The following GALNT13 variants were observed in gnomAD, a reference collection of about 807,000 sequenced individuals.
The protein encoded by GALNT13 is UDP-GalNAc:polypeptide N-acetylgalactosaminyltransferase 13.
Under a neutral mutation model 64.2 loss-of-function variants are expected in GALNT13, and 28 were observed. The ratio of observed to expected loss-of-function variants is 0.44; its 90% confidence interval spans 0.32 to 0.60. The LOEUF (loss-of-function observed/expected upper bound fraction) is 0.60. GALNT13 is among the 20% of genes least tolerant of loss of function. The pLI, the probability that GALNT13 is intolerant of heterozygous loss-of-function variation, is 0.05. For missense variants in GALNT13, 577 were observed against 669.8 expected, an observed-to-expected ratio of 0.86 and a Z score of 1.53; for synonymous variants, 214 against 224.6, an observed-to-expected ratio of 0.95 and a Z score of 0.42.
At chr2:153,089,224 A>G in the GALNT13 span, among the ~76,000 whole-genome samples, 1 of 152,028 alleles carries the variant, frequency 6.6e-6, no homozygotes, top group Non-Finnish European at 1.5e-5. Flanking sequence ...CCTCTCCTTC[A>G]CTTATGAGGC....
intron 9 of GALNT13, among the ~76,000 whole-genome samples, chr2:154,342,408 A>ATAT (rs1695821222): frequency 6.6e-6 from 1 of 152,096 alleles, no homozygotes; most frequent in Admixed American, 6.6e-5. Context: ...TCTAAATTTC[A>ATAT]GTATATGTGG....
the GALNT13 span, among the ~76,000 whole-genome samples, chr2:153,768,551 T>C: frequency 1.3e-5 from 2 of 152,178 alleles, no homozygotes; most frequent in Non-Finnish European, 2.9e-5. Flanking sequence ...TAATGCATTC[T>C]TTGGTGTGTT....
At chr2:153,717,501 T>C in the GALNT13 span, among the ~76,000 whole-genome samples, 1 of 152,224 alleles carries the variant, frequency 6.6e-6, no homozygotes, top group Admixed American at 6.5e-5. Flanking sequence ...TTCTTTTTCC[T>C]CAGAATAAAA....
chr2:154,403,324 T>G (rs1204911060), intron 10 of GALNT13, among the ~76,000 whole-genome samples: 1 of 151,998 alleles, frequency 6.6e-6, no homozygotes, highest in East Asian at 1.9e-4. Flanking sequence ...GTGATGGAAT[T>G]CCATGCCTGT....
At chr2:154,433,250 T>C (rs1411032954) in intron 11 of GALNT13, among the ~76,000 whole-genome samples, 16 of 152,154 alleles carry the variant, frequency 1.1e-4, no homozygotes, top group Admixed American at 1.0e-3. Context: ...CTGACTGCAC[T>C]GCCTAAGGTT....
At chr2:153,453,912 T>C in the GALNT13 span, among the ~76,000 whole-genome samples, 1 of 152,188 alleles carries the variant, frequency 6.6e-6, no homozygotes, top group Non-Finnish European at 1.5e-5. Context: ...GTAGTACATA[T>C]ACACCATAGA....
the GALNT13 span, among the ~76,000 whole-genome samples, chr2:153,745,579 A>C: frequency 6.6e-6 from 1 of 152,116 alleles, no homozygotes; most frequent in African/African-American, 2.4e-5. Context: ...GAAATTCTCA[A>C]ATGATTGATT....
chr2:154,297,982 A>T (rs1002680058), intron 8 of GALNT13, among the ~76,000 whole-genome samples: 2 of 152,094 alleles, frequency 1.3e-5, no homozygotes, highest in African/African-American at 2.4e-5. Context: ...ATACAAGAGG[A>T]GGTATCAAGT....
At chr2:153,924,805 T>C (rs1690003970) in intron 2 of GALNT13, among the ~76,000 whole-genome samples, 1 of 152,248 alleles carries the variant, frequency 6.6e-6, no homozygotes, top group South Asian at 2.1e-4. Context: ...ATTTCTCTAA[T>C]GATCCGTGAC....
the GALNT13 span, among the ~76,000 whole-genome samples, chr2:153,699,995 G>T: frequency 6.6e-6 from 1 of 152,212 alleles, no homozygotes; most frequent in South Asian, 2.1e-4. Context: ...ATTTTATGAG[G>T]CCAGCATCAT....
At chr2:154,395,165 T>C (rs1387467176) in intron 9 of GALNT13, among the ~76,000 whole-genome samples, 1 of 152,156 alleles carries the variant, frequency 6.6e-6, no homozygotes, top group Non-Finnish European at 1.5e-5. Flanking sequence ...CTAAGAATAA[T>C]TGCTGTCTTG....
chr2:153,153,830 C>T, the GALNT13 span, among the ~76,000 whole-genome samples: 70 of 151,984 alleles, frequency 4.6e-4, no homozygotes, highest in Admixed American at 7.9e-4. Flanking sequence ...AATTGGGTAG[C>T]ATGATGCCTC....
intron 3 of GALNT13, among the ~76,000 whole-genome samples, chr2:153,992,553 T>G (rs1293366974): frequency 1.3e-5 from 2 of 152,172 alleles, no homozygotes; most frequent in Non-Finnish European, 2.9e-5. Flanking sequence ...AAGTTCAACC[T>G]GAACACTGAA....
chr2:153,993,811 A>G (rs1695329806), intron 3 of GALNT13, among the ~76,000 whole-genome samples: 2 of 152,076 alleles, frequency 1.3e-5, no homozygotes, highest in Non-Finnish European at 2.9e-5. Flanking sequence ...TTTTCAAAAA[A>G]TGTAGGTAAA....
chr2:153,770,773 G>A, the GALNT13 span, among the ~76,000 whole-genome samples: 10 of 152,274 alleles, frequency 6.6e-5, no homozygotes, highest in South Asian at 6.2e-4. Flanking sequence ...TCTGAGCTCC[G>A]TGCTCAGCCC....
At chr2:154,242,231 T>TG (rs1689530902) in intron 5 of GALNT13, 35 bp downstream of exon 5, 2 of 1,547,872 alleles carry the variant, frequency 1.3e-6, no homozygotes, top group East Asian at 4.5e-5. Context: ...TTTTTGTTTT[T>TG]TTGTTTTGTT....
chr2:154,438,986 C>T (rs538391277), intron 12 of GALNT13, among the ~76,000 whole-genome samples: 62 of 152,028 alleles, frequency 4.1e-4, no homozygotes, highest in African/African-American at 1.4e-3. Flanking sequence ...ATGTACATGC[C>T]AAACATAAAT....
At chr2:153,315,075 A>G in the GALNT13 span, among the ~76,000 whole-genome samples, 1 of 152,214 alleles carries the variant, frequency 6.6e-6, no homozygotes, top group East Asian at 1.9e-4. Context: ...TAGAGAGAAT[A>G]TATTAATATC....
chr2:153,552,804 C>T, the GALNT13 span, among the ~76,000 whole-genome samples: 8 of 151,926 alleles, frequency 5.3e-5, no homozygotes, highest in Non-Finnish European at 8.8e-5. Flanking sequence ...TGAAACTGTT[C>T]CATCTCAGAT....
Sources: allele counts gnomAD v4.1 joint callset (sites outside exome capture counted in the v4.1 genomes callset), GRCh38; gene constraint gnomAD v4.1.1; transcripts MANE v1.5; gene names NCBI Gene and HGNC (gene_info 2026-07-23, HGNC 2026-07-21).